DMXL2: variants seen among roughly 807,000 people sequenced by gnomAD.
The protein encoded by DMXL2 is Dmx like 2.
A neutral mutation model predicts 331.1 loss-of-function variants in DMXL2; 103 were observed. That is an observed-to-expected ratio of 0.31 (90% CI 0.27 to 0.37). DMXL2 has a LOEUF of 0.37. DMXL2 is among the 10% of genes least tolerant of loss of function. The pLI is 1.00. For synonymous variants in DMXL2, 1,281 were observed against 1,252.1 expected (o/e 1.02, Z -0.49); for missense variants, 3,171 against 3,642.9 (o/e 0.87, Z 3.33).
intron 23 of DMXL2, among the ~76,000 whole-genome samples, chr15:51,482,810 A>G (rs1329240588): frequency 6.6e-6 from 1 of 152,256 alleles, no homozygotes; most frequent in Non-Finnish European, 1.5e-5. Context: ...GATGCCAGCA[A>G]GATGGCTGCT....
chr15:51,568,534 C>A lies in DMXL2; in HGVS notation c.238G>T (p.Val80Phe). 6.3e-7 allele frequency: 1 copy of A among 1,580,034 alleles called. No individual in the cohort carries two copies. The highest frequency in any genetic ancestry group is 2.0e-5 in the Admixed American group (1 of 48,910). Residue 80 changes from valine to phenylalanine, a missense_variant, in exon 3 of 44, where the codon GTT (valine) becomes TTT (phenylalanine). By Grantham distance (50) the Val-to-Phe change is conservative. Coordinates refer to ENST00000560891, the MANE Select transcript of DMXL2 (RefSeq NM_001378457.1). ...GRIAASYGNA[V>F]CIFEPLGINS... ...ATGCCCAAGGGCTCAAATATACAAACAGCATTACCATATGAAGCTGCAATC... is the reference window on the plus strand; with the variant it reads ...ATGCCCAAGGGCTCAAATATACAAAAAGCATTACCATATGAAGCTGCAATC...
intron 28 of DMXL2, among the ~76,000 whole-genome samples, chr15:51,472,603 A>T (rs2041223553): frequency 6.6e-6 from 1 of 152,226 alleles, no homozygotes; most frequent in Non-Finnish European, 1.5e-5. Context: ...AGGATATTTC[A>T]TATAAATGGA....
intron 15 of DMXL2, among the ~76,000 whole-genome samples, chr15:51,508,149 G>A (rs145242173): frequency 6.6e-6 from 1 of 152,122 alleles, no homozygotes; most frequent in Non-Finnish European, 1.5e-5. Flanking sequence ...GACACAGGGA[G>A]GGGAACATAA....
In DMXL2 at chr15:51,457,429, G is replaced by A. The variant is rs775099994; in HGVS notation, c.8236C>T (p.Leu2746Phe). 1.1e-5 allele frequency: 18 copies of A among 1,614,212 alleles called. No homozygotes were observed. Among genetic ancestry groups the A allele is most frequent in the Non-Finnish European group, 1.4e-5 (17 of 1,180,016 alleles). Reference sequence around the variant, plus strand: ...TAGGATGTTGCACTGGGTTGATAAAGAGTTGTAGTGGAACCACGATAATCA... The same window carrying A: ...TAGGATGTTGCACTGGGTTGATAAAAAGTTGTAGTGGAACCACGATAATCA... ...DVDYRGSTTT[L>F]YQPSATSYSA... The change falls in exon 37 of 44, where the codon CTT (leucine) becomes TTT (phenylalanine). Residue 2746 changes from leucine to phenylalanine, a missense_variant. Coordinates refer to ENST00000560891, the MANE Select transcript of DMXL2 (RefSeq NM_001378457.1).
chr15:51,526,843 G>A (rs534550480), intron 13 of DMXL2, among the ~76,000 whole-genome samples: 14 of 152,092 alleles, frequency 9.2e-5, no homozygotes, highest in African/African-American at 2.7e-4. Flanking sequence ...ACACAGAGGA[G>A]ACAAAAGAAA....
At chr15:51,521,738 T>C (rs1412982553) in intron 13 of DMXL2, among the ~76,000 whole-genome samples, 1 of 152,170 alleles carries the variant, frequency 6.6e-6, no homozygotes, top group East Asian at 1.9e-4. Flanking sequence ...TATGTACATA[T>C]TTATATGACT....
At chr15:51,534,883 C>T (rs1193658460) in intron 13 of DMXL2, among the ~76,000 whole-genome samples, 1 of 152,104 alleles carries the variant, frequency 6.6e-6, no homozygotes, top group Non-Finnish European at 1.5e-5. Flanking sequence ...TCTCTCTCTC[C>T]TCTGAATAAT....
chr15:51,468,846 G>C (rs1173903127), intron 29 of DMXL2, among the ~76,000 whole-genome samples: 1 of 152,052 alleles, frequency 6.6e-6, no homozygotes, highest in African/African-American at 2.4e-5. Context: ...ATTTTCACTT[G>C]ACAAGATTCA....
chr15:51,505,692 T>C (rs1236358970), intron 16 of DMXL2, among the ~76,000 whole-genome samples: 2 of 152,266 alleles, frequency 1.3e-5, no homozygotes, highest in Admixed American at 6.5e-5. Flanking sequence ...GCTTTTCTAA[T>C]GCCAATTCAT....
chr15:51,503,580 T>A (rs975801708), intron 16 of DMXL2, among the ~76,000 whole-genome samples: 2 of 152,026 alleles, frequency 1.3e-5, no homozygotes, highest in African/African-American at 4.8e-5. Context: ...GGAAGGGTTG[T>A]GGGGTGGGTG....
chr15:51,568,734 C>G (rs2050459261), intron 2 of DMXL2, among the ~76,000 whole-genome samples, 176 bp from the exon 3 acceptor site: 1 of 152,078 alleles, frequency 6.6e-6, no homozygotes, highest in Admixed American at 6.5e-5. Flanking sequence ...CCCCTGTTAT[C>G]AAAAAATTCA....
chr15:51,481,058 G>C lies in DMXL2; in HGVS notation c.6048C>G (p.Asp2016Glu). The part of the protein sequence containing the change: ...KDKQSDQKAS[D>E]PNMLLTPQEE... ...CCTGAGGTGTTAATAACATGTTAGG[G>C]TCTGAGGCCTTCTGATCTGATTGTT... is the stretch of plus-strand genomic sequence containing the variant. The change falls in exon 24 of 44, where the codon GAC (aspartate) becomes GAG (glutamate). Residue 2016 changes from aspartate (D) to glutamate (E), a missense_variant. By Grantham distance (45) the Asp-to-Glu change is conservative. This residue lies in a region of DMXL2 where 244 missense variants were observed against 251.4 expected (regional missense o/e 0.97). Coordinates refer to ENST00000560891, the MANE Select transcript of DMXL2 (RefSeq NM_001378457.1). The C allele has an allele frequency of 6.2e-7, 1 of 1,614,060 alleles. No homozygotes were observed. Among genetic ancestry groups the C allele is most frequent in the Non-Finnish European group, 8.5e-7 (1 of 1,179,980 alleles).
chr15:51,570,707 G>T (rs1368589704), intron 2 of DMXL2, among the ~76,000 whole-genome samples: 2 of 152,150 alleles, frequency 1.3e-5, no homozygotes, highest in Non-Finnish European at 2.9e-5. Flanking sequence ...TTAGGCAAAG[G>T]AGAAATAAAA....
chr15:51,587,313 C>T (rs1358797993), intron 1 of DMXL2, among the ~76,000 whole-genome samples: 3 of 152,026 alleles, frequency 2.0e-5, no homozygotes, highest in East Asian at 1.9e-4. Context: ...TGCTATCCCT[C>T]CCCCGTCCCC....
At chr15:51,457,738 T>G (rs1488149321) in intron 36 of DMXL2, 1 of 351,576 alleles carries the variant, frequency 2.8e-6, no homozygotes, top group Non-Finnish European at 5.2e-6. Flanking sequence ...TATGGAAAAA[T>G]ATTATGTTCT....
chr15:51,466,141 GA>G, intron 30 of DMXL2, 42 bp downstream of exon 30: 1 of 1,351,698 alleles, frequency 7.4e-7, no homozygotes, highest in South Asian at 1.4e-5. Context: ...TCTACAAAAA[GA>G]AAAGCCAAAA....
chr15:51,596,519 C>G (rs1463968772), intron 1 of DMXL2, among the ~76,000 whole-genome samples: 1 of 152,204 alleles, frequency 6.6e-6, no homozygotes, highest in Non-Finnish European at 1.5e-5. Context: ...GTGGCAATTC[C>G]TCAGGGATCT....
intron 23 of DMXL2, among the ~76,000 whole-genome samples, chr15:51,484,880 T>G (rs1039502599): frequency 6.6e-6 from 1 of 151,872 alleles, no homozygotes; most frequent in African/African-American, 2.4e-5. Context: ...AGGAGATAGA[T>G]ATCATACAAA....
rs1042901792 is a variant in DMXL2 at position 51,478,294 on chromosome 15, T to C, written c.6810A>G (p.Ala2270=). 1.2e-6 allele frequency: 2 copies of C among 1,613,080 alleles called. No individual in the cohort carries two copies. The highest frequency in any genetic ancestry group is 1.3e-5 in the African/African-American group (1 of 74,894). The change falls in exon 26 of 44, where the codon GCA becomes GCG. Residue 2270 remains alanine (A), a synonymous_variant. Transcript: ENST00000560891. ...AASLSASIYQ[A]LCDSHSYSSQ... ...ACCTGTAGCTATGACTGTCACATAA[T>C]GCTTGGTAAATTGATGCAGAAAGTG... is the stretch of plus-strand genomic sequence containing the variant.
Sources: allele counts gnomAD v4.1 joint callset (sites outside exome capture counted in the v4.1 genomes callset), GRCh38; gene constraint gnomAD v4.1.1; regional missense constraint gnomAD v4.1.1; transcripts MANE v1.5; gene names NCBI Gene and HGNC (gene_info 2026-07-23, HGNC 2026-07-21).